RAB8B: variants seen among roughly 807,000 people sequenced by gnomAD.
RAB8B encodes the protein RAB8B, member RAS oncogene family, also known as ras-related protein Rab-8B.
In RAB8B, 11 loss-of-function variants were observed where a neutral mutation model predicts 32.0. The ratio of observed to expected loss-of-function variants is 0.34; its 90% CI spans 0.22 to 0.57. The LOEUF is 0.57. Ranked by LOEUF, RAB8B falls within the 20% of genes least tolerant of loss-of-function variation. The pLI is 0.86. For synonymous variants in RAB8B, 103 were observed against 89.6 expected, an observed-to-expected ratio of 1.15 and a Z score of -0.85; for missense variants, 190 against 258.5, an observed-to-expected ratio of 0.73 and a Z score of 1.82.
chr15:63,202,366 C>A (rs371868614), intron 1 of RAB8B, among the ~76,000 whole-genome samples: 19 of 152,310 alleles, frequency 1.2e-4, no homozygotes, highest in Admixed American at 2.0e-4. Flanking sequence ...TCAACCTCTC[C>A]TTGGACAAGC....
At chr15:63,192,032 G>T (rs368671083) in intron 1 of RAB8B, among the ~76,000 whole-genome samples, 1 of 152,172 alleles carries the variant, frequency 6.6e-6, no homozygotes, top group South Asian at 2.1e-4. Context: ...TGAAAAGGAG[G>T]TGAATCTCAT....
chr15:63,226,852 C>G (rs1010864328), intron 1 of RAB8B, among the ~76,000 whole-genome samples: 1 of 152,126 alleles, frequency 6.6e-6, no homozygotes, highest in Non-Finnish European at 1.5e-5. Flanking sequence ...AGAGCTGCCC[C>G]AAGGGCAGCT....
chr15:63,204,903 A>C (rs1296207735), intron 1 of RAB8B, among the ~76,000 whole-genome samples: 2 of 152,170 alleles, frequency 1.3e-5, no homozygotes, highest in East Asian at 3.8e-4. Context: ...CATGCCTATA[A>C]TCCAAGCACT....
intron 1 of RAB8B, among the ~76,000 whole-genome samples, chr15:63,216,271 C>A (rs1021474553): frequency 6.7e-6 from 1 of 148,152 alleles, no homozygotes; most frequent in Non-Finnish European, 1.5e-5. Flanking sequence ...CTCTGTCTCC[C>A]CCACTGGAGT....
chr15:63,249,241 C>A (rs2038095358), intron 2 of RAB8B, among the ~76,000 whole-genome samples: 1 of 151,938 alleles, frequency 6.6e-6, no homozygotes, highest in South Asian at 2.1e-4. Context: ...ATCAGACATT[C>A]AGGCAAGAAA....
chr15:63,266,331 AG>A lies in RAB8B; in HGVS notation c.*2713del. The A allele has an allele frequency of 6.6e-6, 1 of 152,606 alleles. No homozygotes were observed. Among genetic ancestry groups the A allele is most frequent in the East Asian group, 1.9e-4 (1 of 5,208 alleles). 9.5% of individuals were successfully genotyped at this position (152,606 alleles called of 1,614,324 possible). ...GCTGTAACTAAGTAGCATGTAAATCAGTTGATTGTAAAACGTTTCGCTGGGA... is the reference window on the plus strand; with the variant it reads ...GCTGTAACTAAGTAGCATGTAAATCATTGATTGTAAAACGTTTCGCTGGGA... On this transcript the variant is annotated 3_prime_UTR_variant, in exon 8 of 8. Coordinates refer to ENST00000321437, the MANE Select transcript of RAB8B (RefSeq NM_016530.3).
chr15:63,232,430 A>AT (rs1382228263), intron 1 of RAB8B, among the ~76,000 whole-genome samples: 1 of 152,154 alleles, frequency 6.6e-6, no homozygotes, highest in Non-Finnish European at 1.5e-5. Context: ...AATTTCTGAA[A>AT]TTAGTTTATG....
At chr15:63,219,003 G>GTTTTTTTTTTT (rs1567012548) in intron 1 of RAB8B, among the ~76,000 whole-genome samples, 1 of 48,848 alleles carries the variant, frequency 2.0e-5, no homozygotes, top group African/African-American at 5.1e-5. Flanking sequence ...TCCAGCAGTG[G>GTTTTTTTTTTT]ATTTTTTTTT....
intron 1 of RAB8B, among the ~76,000 whole-genome samples, chr15:63,218,110 T>TA (rs5813201): frequency 0.047 from 7,199 of 152,192 alleles, 270 homozygotes; most frequent in East Asian, 0.18. Context: ...CTTTTTTTTT[T>TA]ATGCTTCTAC....
chr15:63,230,768 T>C (rs1291274484), intron 1 of RAB8B, among the ~76,000 whole-genome samples: 4 of 152,142 alleles, frequency 2.6e-5, no homozygotes, highest in Non-Finnish European at 4.4e-5. Flanking sequence ...CAATCATAGC[T>C]CACTGTAGCC....
At chr15:63,241,612 T>C (rs890364955) in intron 1 of RAB8B, among the ~76,000 whole-genome samples, 1 of 152,226 alleles carries the variant, frequency 6.6e-6, no homozygotes, top group Non-Finnish European at 1.5e-5. Context: ...CAACTATTCC[T>C]TTCCCCCTCC....
chr15:63,209,391 G>GACC (rs1448262229), intron 1 of RAB8B, among the ~76,000 whole-genome samples: 1 of 151,812 alleles, frequency 6.6e-6, no homozygotes, highest in African/African-American at 2.4e-5. Context: ...AGGAGTTTGA[G>GACC]ACCAGACTGG....
At chr15:63,221,618 A>G (rs2037845069) in intron 1 of RAB8B, among the ~76,000 whole-genome samples, 1 of 152,130 alleles carries the variant, frequency 6.6e-6, no homozygotes. Flanking sequence ...GCTATAAGAC[A>G]GTCCTGGCCA....
chr15:63,256,799 C>G (rs1008844088), intron 5 of RAB8B, among the ~76,000 whole-genome samples: 1 of 152,184 alleles, frequency 6.6e-6, no homozygotes, highest in African/African-American at 2.4e-5. Flanking sequence ...GGTCATGACT[C>G]ATTCCTAAAG....
intron 1 of RAB8B, among the ~76,000 whole-genome samples, chr15:63,195,302 TTCAA>T: frequency 6.6e-6 from 1 of 152,236 alleles, no homozygotes. Context: ...AACTCATCTC[TTCAA>T]TCAATGTTCT....
rs1041481911 is a variant in RAB8B, at chr15:63,263,957, A to G, written c.*338A>G. On this transcript the variant is annotated 3_prime_UTR_variant, in exon 8 of 8. Coordinates refer to ENST00000321437, the MANE Select transcript of RAB8B (RefSeq NM_016530.3). Reference sequence around the variant, plus strand: ...CCTATTTCAGCACAATCTTAGACTCATATTTGCACACTTTTGTGTCGTGAA... The same window carrying G: ...CCTATTTCAGCACAATCTTAGACTCGTATTTGCACACTTTTGTGTCGTGAA... 123 of 191,714 alleles carry G rather than the reference A, an allele frequency of 6.4e-4. No individual in the cohort carries two copies. The highest frequency in any genetic ancestry group is 2.8e-3 in the African/African-American group (121 of 42,594). 11.9% of individuals were successfully genotyped at this position (191,714 alleles called of 1,614,324 possible).
intron 1 of RAB8B, among the ~76,000 whole-genome samples, chr15:63,220,944 A>G (rs2141121723): frequency 6.6e-6 from 1 of 152,362 alleles, no homozygotes; most frequent in Middle Eastern, 3.4e-3. Context: ...GGAAGGTAAA[A>G]CTTAAATGAA....
At chr15:63,204,657 CA>C (rs1478155322) in intron 1 of RAB8B, among the ~76,000 whole-genome samples, 2 of 152,158 alleles carry the variant, frequency 1.3e-5, no homozygotes, top group Non-Finnish European at 2.9e-5. Context: ...GTAAATTACC[CA>C]ACTTGAAAGT....
chr15:63,258,709 G>A lies in RAB8B; in HGVS notation c.415-918G>A, dbSNP rs368206727. Among the ~76,000 whole-genome samples, 4 of 152,118 alleles carry A rather than the reference G, an allele frequency of 2.6e-5. No homozygotes were observed. The East Asian group carries it at 5.8e-4, about 22-fold the overall frequency. On this transcript the variant is annotated intron_variant, in intron 5 of 7. Coordinates refer to ENST00000321437, the MANE Select transcript of RAB8B (RefSeq NM_016530.3). ...AAATACCCTCTAGAAATTTCCCATG[G>A]GTTACTTGGTTTACACTCTGTAAAT... is the stretch of plus-strand genomic sequence containing the variant.
Sources: gnomAD v4.1 joint callset for allele counts (sites outside exome capture counted in the v4.1 genomes callset) on GRCh38, gnomAD v4.1.1 for gene constraint, MANE v1.5 for transcripts, NCBI Gene and HGNC (gene_info 2026-07-23, HGNC 2026-07-21) for gene names.